ZBTB20: variants seen among roughly 807,000 people sequenced by gnomAD.
ZBTB20 encodes zinc finger and BTB domain-containing protein 20.
ZBTB20 carries 9 observed loss-of-function variants against 56.9 expected under a neutral mutation model. The observed-to-expected ratio is 0.16, with a 90% CI of 0.10 to 0.28. The LOEUF is 0.28. Ranked by LOEUF, ZBTB20 falls within the 10% of genes least tolerant of loss-of-function variation. The probability of loss-of-function intolerance (pLI) is 1.00; values close to 1 mark genes in which losing one functional copy is unlikely to be tolerated. For synonymous variants in ZBTB20, 417 were observed against 420.7 expected, an observed-to-expected ratio of 0.99 and a Z score of 0.11; for missense variants, 655 against 1,003.0, an observed-to-expected ratio of 0.65 and a Z score of 4.69.
chr3:114,390,792 C>T (rs1454162759), intron 7 of ZBTB20, among the ~76,000 whole-genome samples: 1 of 152,206 alleles, frequency 6.6e-6, no homozygotes, highest in Non-Finnish European at 1.5e-5. Flanking sequence ...TGGATGAATA[C>T]AACAGGGTCT....
At chr3:114,986,134 A>G (rs2078530164) in intron 2 of ZBTB20, among the ~76,000 whole-genome samples, 2 of 152,048 alleles carry the variant, frequency 1.3e-5, no homozygotes, top group South Asian at 4.1e-4. Flanking sequence ...TCTGTGATAC[A>G]CATTTTGCTT....
chr3:114,657,046 A>T (rs6774172), intron 6 of ZBTB20, among the ~76,000 whole-genome samples: 53,748 of 151,832 alleles, frequency 0.35, 13,083 homozygotes, highest in African/African-American at 0.69. Context: ...CATGGACTTT[A>T]AAAAAAAATT....
intron 6 of ZBTB20, chr3:114,658,272 G>A (rs1372334535): frequency 1.3e-5 from 2 of 152,182 alleles, no homozygotes; most frequent in African/African-American, 4.8e-5. Flanking sequence ...AGTTGAACAT[G>A]TGGTACAGTT....
intron 2 of ZBTB20, among the ~76,000 whole-genome samples, chr3:114,994,032 A>G (rs986737706): frequency 6.6e-6 from 1 of 151,824 alleles, no homozygotes; most frequent in African/African-American, 2.4e-5. Context: ...AACCCATAGT[A>G]AAACTTATGC....
At chr3:114,515,785 T>G (rs915721668) in intron 6 of ZBTB20, among the ~76,000 whole-genome samples, 1 of 152,164 alleles carries the variant, frequency 6.6e-6, no homozygotes, top group African/African-American at 2.4e-5. Context: ...TACTTTTCCT[T>G]TCTTTTGTAT....
chr3:115,138,141 T>C (rs2084703758), intron 1 of ZBTB20, among the ~76,000 whole-genome samples: 1 of 152,108 alleles, frequency 6.6e-6, no homozygotes, highest in Non-Finnish European at 1.5e-5. Flanking sequence ...TTCTGCATGA[T>C]ACCTGGTTCT....
chr3:114,371,307 C>A (rs2082979102), intron 10 of ZBTB20, among the ~76,000 whole-genome samples: 1 of 152,138 alleles, frequency 6.6e-6, no homozygotes, highest in Non-Finnish European at 1.5e-5. Flanking sequence ...TGTGAGGATA[C>A]ATATTGTTTT....
chr3:114,811,411 C>A, intron 4 of ZBTB20, among the ~76,000 whole-genome samples: 1 of 152,040 alleles, frequency 6.6e-6, no homozygotes, highest in East Asian at 1.9e-4. Flanking sequence ...AATACACTTC[C>A]CTAGAGCATT....
chr3:115,107,456 A>G (rs918037615), intron 1 of ZBTB20, among the ~76,000 whole-genome samples: 3 of 152,096 alleles, frequency 2.0e-5, no homozygotes, highest in Non-Finnish European at 4.4e-5. Context: ...AAGTATTCAT[A>G]TCTCACACCA....
intron 4 of ZBTB20, among the ~76,000 whole-genome samples, chr3:114,869,631 T>A (rs971746457): frequency 4.6e-5 from 7 of 152,162 alleles, no homozygotes; most frequent in African/African-American, 1.7e-4. Context: ...CTTCCTTTTA[T>A]ATTTTCATCA....
chr3:114,904,813 A>G (rs1468977551), intron 3 of ZBTB20, among the ~76,000 whole-genome samples: 1 of 151,948 alleles, frequency 6.6e-6, no homozygotes, highest in Non-Finnish European at 1.5e-5. Flanking sequence ...AACACTGTGA[A>G]CTGGAAACAG....
intron 7 of ZBTB20, among the ~76,000 whole-genome samples, chr3:114,460,691 G>A (rs772729187): frequency 3.9e-5 from 6 of 152,170 alleles, no homozygotes; most frequent in Non-Finnish European, 5.9e-5. Flanking sequence ...GAATACATTT[G>A]CATTGTTTTA....
chr3:114,934,423 C>T (rs1425110205), intron 3 of ZBTB20, among the ~76,000 whole-genome samples: 1 of 152,162 alleles, frequency 6.6e-6, no homozygotes, highest in Non-Finnish European at 1.5e-5. Flanking sequence ...TCCTTTACCT[C>T]CCACTGAAAA....
chr3:114,351,585 C>T lies in ZBTB20; in HGVS notation c.493G>A (p.Val165Ile), dbSNP rs138588156. The T allele has an allele frequency of 6.2e-7, 1 of 1,613,988 alleles. No individual in the cohort carries two copies. Among genetic ancestry groups the T allele is most frequent in the African/African-American group, 1.3e-5 (1 of 74,928 alleles). The stretch of plus-strand genomic sequence containing the variant: ...ATCTGCAGAGCTTCCGACTGCGAGA[C>T]CCGTAGCACGCCGCTGTACATGAAG... Reference protein sequence around the residue: ...IDFMYSGVLRVSQSEALQILT... With the variant: ...IDFMYSGVLRISQSEALQILT... The change falls in exon 11 of 12, where the codon GTC becomes ATC. Residue 165 changes from valine to isoleucine, a missense_variant. Val to Ile is a conservative substitution (Grantham distance 29). This residue lies in a region of ZBTB20 where 167 missense variants were observed against 281.9 expected (regional missense o/e 0.59). Coordinates refer to ENST00000675478, the MANE Select transcript of ZBTB20 (RefSeq NM_001348800.3).
chr3:114,888,079 C>T (rs1368500304), intron 4 of ZBTB20, among the ~76,000 whole-genome samples: 1 of 147,294 alleles, frequency 6.8e-6, no homozygotes, highest in East Asian at 2.0e-4. Context: ...CTGATCTTAA[C>T]GTGGAATTGG....
At chr3:114,954,026 T>A (rs1216597399) in intron 3 of ZBTB20, among the ~76,000 whole-genome samples, 1 of 151,938 alleles carries the variant, frequency 6.6e-6, no homozygotes, top group African/African-American at 2.4e-5. Context: ...ATGGGGGAGG[T>A]CAAATCTTTG....
intron 6 of ZBTB20, among the ~76,000 whole-genome samples, chr3:114,571,877 A>G (rs530383823): frequency 7.9e-5 from 12 of 152,242 alleles, no homozygotes; most frequent in African/African-American, 2.6e-4. Flanking sequence ...TGGCATATGC[A>G]CTTAAGCTCT....
Position 115,118,703 on chromosome 3 carries a change from A to ATTTTTTT in ZBTB20, c.-703+28509_-703+28515dup, listed in dbSNP as rs35607205. ...GGACCTAAAACTTTACCTGGTACAAATTTTTTTTTTTTTTTTTTTTTTTTT... is the reference window on the plus strand; with the variant it reads ...GGACCTAAAACTTTACCTGGTACAAATTTTTTTTTTTTTTTTTTTTTTTTTTTTTTTT... On this transcript the variant is annotated intron_variant, in intron 1 of 11. Coordinates refer to ENST00000675478, the MANE Select transcript of ZBTB20 (RefSeq NM_001348800.3). Among the ~76,000 whole-genome samples, 239 of 82,220 alleles carry ATTTTTTT rather than the reference A, an allele frequency of 2.9e-3. 18 individuals are homozygous for ATTTTTTT. The highest frequency in any genetic ancestry group is 3.9e-3 in the African/African-American group (80 of 20,326). The allele number at this position is 82,220 out of a possible 152,430, so 53.9% of individuals were successfully genotyped here. A position where few individuals can be genotyped will look rare whatever the true frequency, so the allele number is the denominator to read the frequency against.
rs1479034984 is a variant in ZBTB20 at position 114,957,503 on chromosome 3, T to C, written c.-456+16863A>G. Among the ~76,000 whole-genome samples, 2 of 152,214 alleles carry C rather than the reference T, an allele frequency of 1.3e-5. 1 individual carries two copies. The highest frequency in any genetic ancestry group is 2.9e-5 in the Non-Finnish European group (2 of 68,036). On this transcript the variant is annotated intron_variant, in intron 3 of 11. Transcript: ENST00000675478. ...CTCTGTGGATTATTAGGAAAATGTA[T>C]GAAAACCACTGCCGTAAAGAACATC...
Sources: gnomAD v4.1 joint callset for allele counts (sites outside exome capture counted in the v4.1 genomes callset) on GRCh38, gnomAD v4.1.1 for gene constraint, gnomAD v4.1.1 regional missense constraint, MANE v1.5 for transcripts, NCBI Gene and HGNC (gene_info 2026-07-23, HGNC 2026-07-21) for gene names.